The following SLIT3 variants were observed in gnomAD, a reference collection of about 807,000 sequenced individuals.
SLIT3 encodes slit guidance ligand 3, also known as slit homolog 3 protein.
Under a neutral mutation model 184.0 loss-of-function variants are expected in SLIT3, and 68 were observed. The observed-to-expected ratio is 0.37, with a 90% CI of 0.30 to 0.45. SLIT3 has a LOEUF of 0.45. SLIT3 is among the 20% of genes least tolerant of loss of function. The pLI, the probability that SLIT3 is intolerant of heterozygous loss-of-function variation, is 1.00. For missense variants in SLIT3, 1,707 were observed against 2,026.0 expected, an observed-to-expected ratio of 0.84 and a Z score of 3.02; for synonymous variants, 831 against 828.6, an observed-to-expected ratio of 1.00 and a Z score of -0.05.
At chr5:168,981,213 T>C (rs867471017) in intron 4 of SLIT3, among the ~76,000 whole-genome samples, 20 of 152,334 alleles carry the variant, frequency 1.3e-4, no homozygotes, top group Admixed American at 3.9e-4. Context: ...TTGTGTAGCA[T>C]GTAATTTGGA....
chr5:168,748,499 G>A, intron 19 of SLIT3, 65 bp from the exon 20 acceptor site: 1 of 1,443,604 alleles, frequency 6.9e-7, no homozygotes, highest in East Asian at 2.7e-5. Context: ...GAGCCAGTGA[G>A]CAAGGCTGCG....
intron 4 of SLIT3, among the ~76,000 whole-genome samples, chr5:169,047,072 CA>C (rs1040501398): frequency 7.2e-5 from 11 of 152,066 alleles, no homozygotes; most frequent in African/African-American, 2.4e-4. Context: ...GAAGCAAAAC[CA>C]AAACCTAAAA....
At chr5:169,005,447 G>T (rs562445054) in intron 4 of SLIT3, among the ~76,000 whole-genome samples, 2 of 152,200 alleles carry the variant, frequency 1.3e-5, no homozygotes, top group South Asian at 4.1e-4. Context: ...CCATGGCAAG[G>T]TGAACGGTAA....
Position 168,772,707 on chromosome 5 carries a change from A to G in SLIT3, c.1459+74T>C, listed in dbSNP as rs1281351358. 2.6e-6 allele frequency: 4 copies of G among 1,540,736 alleles called. No individual in the cohort carries two copies. In the African/African-American group the frequency reaches 5.5e-5, roughly 21 times the overall value. Reference sequence around the variant, plus strand: ...CATTACAGTGCTCGCTGTCCTCCAGATTGGATTATTGGCCTCTCTGGGGCT... The same window carrying G: ...CATTACAGTGCTCGCTGTCCTCCAGGTTGGATTATTGGCCTCTCTGGGGCT... On this transcript the variant is annotated intron_variant, in intron 14 of 35. Coordinates refer to ENST00000519560, the MANE Select transcript of SLIT3 (RefSeq NM_003062.4).
At chr5:168,844,231 T>C (rs1758371293) in intron 6 of SLIT3, among the ~76,000 whole-genome samples, 1 of 152,146 alleles carries the variant, frequency 6.6e-6, no homozygotes, top group Non-Finnish European at 1.5e-5. Context: ...ACACTGTCCC[T>C]GATGCTGTGG....
chr5:168,893,003 C>T (rs1381732061), intron 4 of SLIT3, among the ~76,000 whole-genome samples: 1 of 152,178 alleles, frequency 6.6e-6, no homozygotes, highest in African/African-American at 2.4e-5. Flanking sequence ...CAACCACAGG[C>T]GTCTGATTCC....
chr5:169,130,555 G>A (rs1420000101), intron 4 of SLIT3, among the ~76,000 whole-genome samples: 1 of 152,202 alleles, frequency 6.6e-6, no homozygotes, highest in Admixed American at 6.5e-5. Context: ...AGCATCATCA[G>A]GGTCGTGAGG....
At chr5:169,086,068 C>A (rs1046042343) in intron 4 of SLIT3, among the ~76,000 whole-genome samples, 26 of 152,202 alleles carry the variant, frequency 1.7e-4, no homozygotes, top group Admixed American at 1.2e-3. Context: ...CCCCTAAAGC[C>A]AACGGCCTTT....
chr5:168,865,241 G>T (rs1157355580), intron 5 of SLIT3, among the ~76,000 whole-genome samples: 2 of 150,402 alleles, frequency 1.3e-5, no homozygotes, highest in Admixed American at 6.6e-5. Flanking sequence ...AAGTATTTAC[G>T]TGAGGGAAAT....
chr5:169,169,208 C>T (rs977294524), intron 4 of SLIT3, among the ~76,000 whole-genome samples: 59 of 152,288 alleles, frequency 3.9e-4, no homozygotes, highest in African/African-American at 1.3e-3. Context: ...CCTGGGTCCA[C>T]GGCATCCAGG....
chr5:168,981,317 T>TG (rs1417429369), intron 4 of SLIT3, among the ~76,000 whole-genome samples: 7 of 152,008 alleles, frequency 4.6e-5, no homozygotes, highest in African/African-American at 1.4e-4. Flanking sequence ...TTTTGGTAAA[T>TG]GGGGGTAGGG....
In SLIT3 at chr5:169,112,192, T is replaced by A. The variant is rs142464294; in HGVS notation, c.413+81287A>T. ...ATGGGGGCAGGAGAGGCACCGGGGC[T>A]ATGCACAGTAGCTCCCTTTGTTCTG... On this transcript the variant is annotated intron_variant, in intron 4 of 35. Transcript: ENST00000519560. Among the ~76,000 whole-genome samples, 232 of 152,324 alleles carry A rather than the reference T, an allele frequency of 1.5e-3. 1 individual carries two copies. The East Asian group carries it at 0.034, about 23-fold the overall frequency.
rs114377730 is a variant in SLIT3, at chr5:168,768,842, C to T, written c.1459+3939G>A. ...TTTGAGGTCAGCAGGAATGCTCTGGCTGATAGACACTCATCCCAGATCATT... is the reference window on the plus strand; with the variant it reads ...TTTGAGGTCAGCAGGAATGCTCTGGTTGATAGACACTCATCCCAGATCATT... On this transcript the variant is annotated intron_variant, in intron 14 of 35. Coordinates refer to ENST00000519560, the MANE Select transcript of SLIT3 (RefSeq NM_003062.4). 4.3e-3 allele frequency among the ~76,000 whole-genome samples: 650 copies of T among 152,246 alleles called. 7 individuals are homozygous for T. The highest frequency in any genetic ancestry group is 0.014 in the African/African-American group (601 of 41,542).
rs1765765812 is a variant in SLIT3 at position 169,251,299 on chromosome 5, G to C, written c.269+89C>G. The C allele has an allele frequency of 1.4e-5, 12 of 872,434 alleles. No homozygotes were observed. In the South Asian group the frequency reaches 1.5e-4, roughly 11 times the overall value. 54.0% of individuals were successfully genotyped at this position (872,434 alleles called of 1,614,324 possible). A position where few individuals can be genotyped will look rare whatever the true frequency, so the allele number is the denominator to read the frequency against. ...GTGAATTCCTGTTGTCCAGGGCTTG[G>C]GAGTGTGATGTCAGGGGCAGTGGAA... On this transcript the variant is annotated intron_variant, in intron 2 of 35. Transcript: ENST00000519560.
At chr5:168,723,971 C>G (rs183474627) in intron 21 of SLIT3, among the ~76,000 whole-genome samples, 14 of 152,264 alleles carry the variant, frequency 9.2e-5, no homozygotes, top group Admixed American at 5.9e-4. Context: ...TTGGCAAGGT[C>G]TGAAGACATT....
chr5:168,818,997 T>A lies in SLIT3; in HGVS notation c.630-1534A>T, dbSNP rs1757431521. Among the ~76,000 whole-genome samples, 2 of 152,268 alleles carry A rather than the reference T, an allele frequency of 1.3e-5. 1 individual carries two copies. Among genetic ancestry groups the A allele is most frequent in the South Asian group, 4.1e-4 (2 of 4,838 alleles). ...TTTATGATTTTGTTTCAAAAATAAT[T>A]AATCTGGATGTAATTTCCTTTTTGC... On this transcript the variant is annotated intron_variant, in intron 7 of 35. Transcript: ENST00000519560.
chr5:168,900,923 AGAG>A (rs1760844649), intron 4 of SLIT3, among the ~76,000 whole-genome samples: 1 of 152,218 alleles, frequency 6.6e-6, no homozygotes, highest in Admixed American at 6.5e-5. Flanking sequence ...ACATGGACAT[AGAG>A]GAGAATGACA....
chr5:169,173,488 A>C (rs1269358523), intron 4 of SLIT3, among the ~76,000 whole-genome samples: 5 of 152,176 alleles, frequency 3.3e-5, no homozygotes, highest in African/African-American at 1.2e-4. Flanking sequence ...GCCAAGCTTC[A>C]AGGATGCTGT....
Position 168,762,486 on chromosome 5 carries a change from G to T in SLIT3, c.1610+53C>A. The stretch of plus-strand genomic sequence containing the variant: ...AGGAGACCCTGCCCACGCTGGCTCC[G>T]GGTGACTGGCGTGTGGGGAGGAGTA... On this transcript the variant is annotated intron_variant, in intron 15 of 35. Coordinates refer to ENST00000519560, the MANE Select transcript of SLIT3 (RefSeq NM_003062.4). 6.9e-6 allele frequency: 11 copies of T among 1,584,958 alleles called. No homozygotes were observed. In the South Asian group the frequency reaches 1.0e-4, roughly 14 times the overall value.
Sources: gnomAD v4.1 joint callset for allele counts (sites outside exome capture counted in the v4.1 genomes callset) on GRCh38, gnomAD v4.1.1 for gene constraint, MANE v1.5 for transcripts, NCBI Gene and HGNC (gene_info 2026-07-23, HGNC 2026-07-21) for gene names.